Variants in C16orf96 observed in about 807,000 individuals in gnomAD.
C16orf96 encodes chromosome 16 open reading frame 96, also known as uncharacterized protein C16orf96.
C16orf96 carries 108 observed loss-of-function variants against 103.6 expected under a neutral mutation model. The observed-to-expected ratio is 1.04, with a 90% CI of 0.89 to 1.22. The LOEUF (loss-of-function observed/expected upper bound fraction) is 1.22, where lower values mean the gene tolerates loss of function less well. Among genes scored for constraint, C16orf96 ranks in the 50% most tolerant of loss-of-function variants. The pLI, the probability that C16orf96 is intolerant of heterozygous loss-of-function variation, is 0.00. For missense variants in C16orf96, 1,586 were observed against 1,464.2 expected (o/e 1.08, Z -1.36); for synonymous variants, 566 against 593.5 (o/e 0.95, Z 0.67).
At chr16:4,574,127 C>G (rs939054952) in intron 2 of C16orf96, among the ~76,000 whole-genome samples, 2 of 152,156 alleles carry the variant, frequency 1.3e-5, no homozygotes, top group African/African-American at 4.8e-5. Flanking sequence ...GCCACTGTGC[C>G]CGGCCCTCTT....
At chr16:4,549,166 C>G in the C16orf96 span, among the ~76,000 whole-genome samples, 2 of 152,142 alleles carry the variant, frequency 1.3e-5, no homozygotes, top group African/African-American at 4.8e-5. Context: ...ACTATTGCAA[C>G]CAGCACCACA....
intron 2 of C16orf96, among the ~76,000 whole-genome samples, chr16:4,573,896 C>A (rs569256594): frequency 6.6e-6 from 1 of 151,842 alleles, no homozygotes; most frequent in African/African-American, 2.4e-5. Context: ...TGCAGTGGCA[C>A]GATCTCAGCT....
chr16:4,588,780 A>T (rs1896990078), intron 9 of C16orf96, among the ~76,000 whole-genome samples: 1 of 140,698 alleles, frequency 7.1e-6, no homozygotes, highest in African/African-American at 2.7e-5. Context: ...AAATGAATTG[A>T]TCCCCATTTC....
chr16:4,587,166 G>A, intron 8 of C16orf96, 53 bp downstream of exon 8: 2 of 1,468,220 alleles, frequency 1.4e-6, no homozygotes, highest in South Asian at 1.2e-5. Flanking sequence ...CAGGGAAACG[G>A]CACCATCCAG....
At chr16:4,550,991 G>T in the C16orf96 span, among the ~76,000 whole-genome samples, 2 of 152,230 alleles carry the variant, frequency 1.3e-5, no homozygotes, top group Non-Finnish European at 2.9e-5. Flanking sequence ...AAGTGCTCAG[G>T]GTCGGGCGCG....
At chr16:4,579,969 A>G in intron 6 of C16orf96, 46 bp from the exon 7 acceptor site, 1 of 1,480,312 alleles carries the variant, frequency 6.8e-7, no homozygotes, top group South Asian at 1.2e-5. Context: ...CGGCCATGGT[A>G]ACTTCAGAAG....
Position 4,593,107 on chromosome 16 carries a change from C to T in C16orf96, c.2775-117C>T. The T allele has an allele frequency of 1.0e-6, 1 of 984,492 alleles. No individual in the cohort carries two copies. The highest frequency in any genetic ancestry group is 1.4e-5 in the South Asian group (1 of 69,534). 61.0% of individuals were successfully genotyped at this position (984,492 alleles called of 1,614,324 possible). On this transcript the variant is annotated intron_variant, in intron 11 of 15. Transcript: ENST00000444310. The surrounding 1 kb of genome is among the most constrained non-coding windows in gnomAD (Gnocchi z 4.2). The stretch of plus-strand genomic sequence containing the variant: ...CGCTTCTGGCATTCGAGGGTGGTGA[C>T]CTGAGTCTGCACCTCCTTCCTCCTG...
the C16orf96 span, among the ~76,000 whole-genome samples, chr16:4,548,481 C>T: frequency 6.6e-6 from 1 of 152,224 alleles, no homozygotes; most frequent in African/African-American, 2.4e-5. Context: ...GCACCTGCTA[C>T]CAGAAGACCA....
At chr16:4,597,714 G>A (rs542526052) in intron 14 of C16orf96, among the ~76,000 whole-genome samples, 6 of 152,136 alleles carry the variant, frequency 3.9e-5, no homozygotes, top group Non-Finnish European at 8.8e-5. Context: ...GCGCCACCAC[G>A]CCTGGATAAT....
Position 4,594,731 on chromosome 16 carries a change from G to A in C16orf96, c.3055G>A (p.Gly1019Arg), listed in dbSNP as rs1897134580. 1 of 1,551,298 alleles carries A rather than the reference G, an allele frequency of 6.4e-7. No individual in the cohort carries two copies. Among genetic ancestry groups the A allele is most frequent in the South Asian group, 1.2e-5 (1 of 84,044 alleles). The change falls in exon 14 of 16, where the codon GGG becomes AGG. Residue 1019 changes from glycine to arginine, a missense_variant. Gly to Arg is a moderately radical substitution (Grantham distance 125). Transcript: ENST00000444310. Reference sequence around the variant, plus strand: ...CGAGGTGGACATCCTGGGCGTGGATGGGATCCTGTACAAAGGCCGCGTGAA... The same window carrying A: ...CGAGGTGGACATCCTGGGCGTGGATAGGATCCTGTACAAAGGCCGCGTGAA... ...SAEVDILGVD[G>R]ILYKGRVNSQ...
chr16:4,547,358 A>G, the C16orf96 span, among the ~76,000 whole-genome samples: 10 of 152,146 alleles, frequency 6.6e-5, no homozygotes, highest in Admixed American at 6.5e-4. Flanking sequence ...GCTGATCTTG[A>G]ACTCCTGACC....
chr16:4,587,048 G>T lies in C16orf96; in HGVS notation c.2362G>T (p.Ala788Ser), dbSNP rs1489516750. ...IRMDEFKTLQ[A>S]QIKRLEMNKV... ...GTGCTTCTGTTCTTAGACTCTCCAG[G>T]CTCAAATCAAAAGACTGGAAATGAA... The change falls in exon 8 of 16, where the codon GCT (alanine) becomes TCT (serine). Residue 788 changes from alanine to serine, a missense_variant. Coordinates refer to ENST00000444310, the MANE Select transcript of C16orf96 (RefSeq NM_001145011.2). 1 of 1,551,452 alleles carries T rather than the reference G, an allele frequency of 6.4e-7. No homozygotes were observed.
chr16:4,591,560 T>C, intron 9 of C16orf96, 106 bp from the exon 10 acceptor site: 2 of 875,026 alleles, frequency 2.3e-6, no homozygotes, highest in East Asian at 5.3e-5. Context: ...TAGTTGAATT[T>C]TGTTACACCG....
In C16orf96 at chr16:4,588,201, G is replaced by A; in HGVS notation, c.2462G>A (p.Ser821Asn). ...ADRSALAGKA[S>N]RVDLETVALE... is the part of the protein sequence containing the mutation. ...AGGAGTGCCCTGGCAGGCAAGGCAAGCCGCGTTGACCTGGAGACTGTGGCC... is the reference window on the plus strand; with the variant it reads ...AGGAGTGCCCTGGCAGGCAAGGCAAACCGCGTTGACCTGGAGACTGTGGCC... Residue 821 changes from serine to asparagine, a missense_variant, in exon 9 of 16, where the codon AGC becomes AAC. By Grantham distance (46) the Ser-to-Asn change is conservative (BLOSUM62 1). Transcript: ENST00000444310. 3 of 1,551,544 alleles carry A rather than the reference G, an allele frequency of 1.9e-6. No homozygotes were observed. The highest frequency in any genetic ancestry group is 1.2e-5 in the South Asian group (1 of 84,050).
At chr16:4,554,140 T>A (rs1387967810), upstream of C16orf96, among the ~76,000 whole-genome samples, 1 of 152,072 alleles carries the variant, frequency 6.6e-6, no homozygotes, top group Non-Finnish European at 1.5e-5. Flanking sequence ...CCATACCTCA[T>A]ATCTCCACGC....
At chr16:4,569,725 A>G (rs548102499) in intron 1 of C16orf96, among the ~76,000 whole-genome samples, 4 of 151,462 alleles carry the variant, frequency 2.6e-5, no homozygotes, top group Admixed American at 2.6e-4. Flanking sequence ...GAAGGCAAAG[A>G]TAGTCTTTGA....
chr16:4,562,853 T>C lies in C16orf96; in HGVS notation c.420+5944T>C, dbSNP rs527611683. 2,987 of 1,377,034 alleles carry C rather than the reference T, an allele frequency of 2.2e-3. 9 individuals are homozygous for C. The highest frequency in any genetic ancestry group is 2.8e-3 in the Non-Finnish European group (2,687 of 975,916). The allele number at this position is 1,377,034 out of a possible 1,614,324, so 85.3% of individuals were successfully genotyped here. A position where few individuals can be genotyped will look rare whatever the true frequency, so the allele number is the denominator to read the frequency against. ...TATCATCAGTGTCAGAAATCTGTTC[T>C]GTCAGCTGGCTCCATTGTTCTGGAT... On this transcript the variant is annotated intron_variant, in intron 1 of 15. Coordinates refer to ENST00000444310, the MANE Select transcript of C16orf96 (RefSeq NM_001145011.2).
rs375335794 is a variant in C16orf96 at position 4,588,251 on chromosome 16, G to T, written c.2512G>T (p.Gly838Cys). Residue 838 changes from glycine (G) to cysteine (C), a missense_variant, in exon 9 of 16, where the codon GGC (glycine) becomes TGC (cysteine). Gly to Cys is a radical substitution (Grantham distance 159). Transcript: ENST00000444310. ...VALELNEMIQ[G>C]ILFKVTIHED... ...CTTGGAGCTGAACGAGATGATTCAG[G>T]GCATACTCTTCAAGGTCACGATCCA... 5.3e-5 allele frequency: 82 copies of T among 1,551,550 alleles called. No homozygotes were observed. Among genetic ancestry groups the T allele is most frequent in the Non-Finnish European group, 6.5e-5 (74 of 1,146,998 alleles).
At chr16:4,543,728 T>C in the C16orf96 span, among the ~76,000 whole-genome samples, 1 of 152,152 alleles carries the variant, frequency 6.6e-6, no homozygotes, top group Non-Finnish European at 1.5e-5. Flanking sequence ...CCCTGCAGCC[T>C]CTGCCTCTTG....
Sources: allele counts gnomAD v4.1 joint callset (sites outside exome capture counted in the v4.1 genomes callset), GRCh38; gene constraint gnomAD v4.1.1; non-coding constraint Gnocchi (gnomAD v3.1); transcripts MANE v1.5; gene names NCBI Gene and HGNC (gene_info 2026-07-23, HGNC 2026-07-21).